The following MTSS1 variants were observed in gnomAD, a reference collection of about 807,000 sequenced individuals.
The protein encoded by MTSS1 is protein MTSS 1.
In MTSS1, 18 loss-of-function variants were observed where a neutral mutation model predicts 79.0. That is an observed-to-expected ratio of 0.23 (90% CI 0.16 to 0.34). The LOEUF is 0.34. Ranked by LOEUF, MTSS1 falls within the 10% of genes least tolerant of loss-of-function variation. The pLI is 1.00. For synonymous variants in MTSS1, 341 were observed against 368.6 expected (o/e 0.93, Z 0.86); for missense variants, 815 against 986.2 (o/e 0.83, Z 2.33).
chr8:124,684,126 G>C (rs1372130516), intron 3 of MTSS1, among the ~76,000 whole-genome samples: 1 of 152,132 alleles, frequency 6.6e-6, no homozygotes, highest in Non-Finnish European at 1.5e-5. Flanking sequence ...CTAGACGAAT[G>C]AACTGTAAGC....
At chr8:124,612,573 A>AGTGT (rs1563858363) in intron 3 of MTSS1, among the ~76,000 whole-genome samples, 28 of 119,858 alleles carry the variant, frequency 2.3e-4, no homozygotes, top group African/African-American at 7.4e-4. Flanking sequence ...CCAAGTTTAA[A>AGTGT]ATGTGTGTGT....
chr8:124,589,717 ACC>A lies in MTSS1; in HGVS notation c.294-8_294-7del. On this transcript the variant is annotated splice_region_variant and splice_polypyrimidine_tract_variant and intron_variant, in intron 4 of 13. Transcript: ENST00000518547. ...TCAGACAATCAATTAAAGCGCTTTT[ACC>A]AAGCGGGGGGGAAAAAGGGAGAAAT... The A allele has an allele frequency of 6.3e-7, 1 of 1,596,162 alleles. No homozygotes were observed. The highest frequency in any genetic ancestry group is 1.7e-5 in the Admixed American group (1 of 58,598).
In MTSS1 at chr8:124,597,378, C is replaced by A. The variant is rs1379055387; in HGVS notation, c.209-6143G>T. On this transcript the variant is annotated intron_variant, in intron 3 of 13. Coordinates refer to ENST00000518547, the MANE Select transcript of MTSS1 (RefSeq NM_014751.6). The surrounding 1 kb of genome is among the most constrained non-coding windows in gnomAD (Gnocchi z 4.6). ...TACGACAAGCTGGAGACATTCCCAG[C>A]TGAGGACAAAGAGGCACATTAAAGT... is the stretch of plus-strand genomic sequence containing the variant. Among the ~76,000 whole-genome samples, 1 of 152,176 alleles carries A rather than the reference C, an allele frequency of 6.6e-6. No individual in the cohort carries two copies. Among genetic ancestry groups the A allele is most frequent in the African/African-American group, 2.4e-5 (1 of 41,448 alleles).
intron 1 of MTSS1, among the ~76,000 whole-genome samples, chr8:124,723,424 C>T (rs532916879): frequency 2.0e-5 from 3 of 152,212 alleles, no homozygotes; most frequent in African/African-American, 2.4e-5. Flanking sequence ...TTACAAACTG[C>T]GGAATTTCAG....
At chr8:124,705,663 G>A (rs1396414747) in intron 1 of MTSS1, among the ~76,000 whole-genome samples, 4 of 152,164 alleles carry the variant, frequency 2.6e-5, no homozygotes, top group Admixed American at 6.5e-5. Flanking sequence ...CATCTTTCAT[G>A]ACAGAAGCCC....
chr8:124,552,897 A>C lies in MTSS1; in HGVS notation c.*95T>G. Reference sequence around the variant, plus strand: ...AGAGCTATATTCCGAGTTGCCTACAAAATCTTTTGTTTTATTATAGAGTGG... The same window carrying C: ...AGAGCTATATTCCGAGTTGCCTACACAATCTTTTGTTTTATTATAGAGTGG... On this transcript the variant is annotated 3_prime_UTR_variant, in exon 14 of 14. Transcript: ENST00000518547. 1 of 1,331,680 alleles carries C rather than the reference A, an allele frequency of 7.5e-7. No homozygotes were observed. Among genetic ancestry groups the C allele is most frequent in the Non-Finnish European group, 1.0e-6 (1 of 972,280 alleles). The allele number at this position is 1,331,680 out of a possible 1,614,324, so 82.5% of individuals were successfully genotyped here.
intron 3 of MTSS1, among the ~76,000 whole-genome samples, chr8:124,665,055 T>A (rs573224661): frequency 2.0e-4 from 30 of 152,312 alleles, no homozygotes; most frequent in South Asian, 6.2e-4. Context: ...GCATTTTTTT[T>A]ATCCCCATCT....
At chr8:124,658,846 A>G (rs1821475855) in intron 3 of MTSS1, among the ~76,000 whole-genome samples, 1 of 152,206 alleles carries the variant, frequency 6.6e-6, no homozygotes, top group East Asian at 1.9e-4. Flanking sequence ...AGATTTGGGC[A>G]GGGACACAGA....
chr8:124,702,204 G>C (rs993170751), intron 2 of MTSS1, among the ~76,000 whole-genome samples: 2 of 152,214 alleles, frequency 1.3e-5, no homozygotes, highest in Admixed American at 1.3e-4. Context: ...TAAAAAAGTA[G>C]GGGAAATGTA....
chr8:124,554,197 T>C (rs1016337474), intron 13 of MTSS1, among the ~76,000 whole-genome samples: 9 of 152,248 alleles, frequency 5.9e-5, no homozygotes, highest in Admixed American at 2.0e-4. Flanking sequence ...ATCAGTGTCA[T>C]GTGCTCACTT....
intron 3 of MTSS1, among the ~76,000 whole-genome samples, chr8:124,643,686 G>A (rs369312398): frequency 8.1e-4 from 70 of 86,340 alleles, no homozygotes; most frequent in Non-Finnish European, 1.3e-3. Flanking sequence ...CAACAAGAGC[G>A]AAATTCCGTC....
At chr8:124,678,784 C>T (rs920551794) in intron 3 of MTSS1, among the ~76,000 whole-genome samples, 4 of 152,214 alleles carry the variant, frequency 2.6e-5, no homozygotes, top group African/African-American at 9.7e-5. Context: ...GGTTTTACTA[C>T]TACAGTGTAC....
In MTSS1 at chr8:124,683,591, C is replaced by G. The variant is rs1014759110; in HGVS notation, c.208+15935G>C. On this transcript the variant is annotated intron_variant, in intron 3 of 13. Coordinates refer to ENST00000518547, the MANE Select transcript of MTSS1 (RefSeq NM_014751.6). The surrounding 1 kb of genome is among the most constrained non-coding windows in gnomAD (Gnocchi z 4.5). ...ACGCCCTAGGAAGCATCCAGACAGA[C>G]GGAGTGGAACAACACAACCTTTCCA... Among the ~76,000 whole-genome samples the G allele has an allele frequency of 2.0e-5, 3 of 152,260 alleles. No homozygotes were observed. The highest frequency in any genetic ancestry group is 4.1e-4 in the South Asian group (2 of 4,820).
chr8:124,632,377 G>C (rs975134248), intron 3 of MTSS1, among the ~76,000 whole-genome samples: 1 of 150,018 alleles, frequency 6.7e-6, no homozygotes, highest in African/African-American at 2.5e-5. Context: ...GGCTGGGCAT[G>C]GTGGCTCACA....
In MTSS1 at chr8:124,553,047, C is replaced by T; in HGVS notation, c.2213G>A (p.Gly738Asp). The T allele has an allele frequency of 6.2e-7, 1 of 1,614,094 alleles. No homozygotes were observed. Among genetic ancestry groups the T allele is most frequent in the East Asian group, 2.2e-5 (1 of 44,890 alleles). Residue 738 changes from glycine to aspartate, a missense_variant, in exon 14 of 14, where the codon GGC (glycine) becomes GAC (aspartate). By Grantham distance (94) the Gly-to-Asp change is moderately conservative. Around this residue, in one of 2 missense-constraint regions of MTSS1, gnomAD observed 590 missense variants for 620.8 expected, o/e 0.95. Transcript: ENST00000518547. This position sits in a 1 kb window ranked among gnomAD's most constrained non-coding sequence, Gnocchi z 6.0. ...TGTCGTGGTCTTCTTCAGTTTCACG[C>T]CCCTTCGGATGGCGTTCAGCATGTC... ...GEDMLNAIRR[G>D]VKLKKTTTND...
rs976337373 is a variant in MTSS1, at chr8:124,641,207, A to G, written c.209-49972T>C. On this transcript the variant is annotated intron_variant, in intron 3 of 13. Coordinates refer to ENST00000518547, the MANE Select transcript of MTSS1 (RefSeq NM_014751.6). ...GGGTCAAATGGACCAGGGGAATGGA[A>G]GACCACAGTCACTTTGGCCAGCAGG... 4.6e-5 allele frequency among the ~76,000 whole-genome samples: 7 copies of G among 152,196 alleles called. No individual in the cohort carries two copies. In the South Asian group the frequency reaches 6.2e-4, roughly 13 times the overall value.
At chr8:124,593,993 CA>C (rs35905406) in intron 3 of MTSS1, among the ~76,000 whole-genome samples, 89,256 of 151,750 alleles carry the variant, frequency 0.59, 26,640 homozygotes, top group East Asian at 0.72. Flanking sequence ...TAATCAGTAC[CA>C]ACAGGGATTG....
chr8:124,572,088 T>A (rs1293968173), intron 6 of MTSS1, among the ~76,000 whole-genome samples: 1 of 152,188 alleles, frequency 6.6e-6, no homozygotes, highest in Non-Finnish European at 1.5e-5. Flanking sequence ...TTAATAATGC[T>A]GACTTTAAAA....
At chr8:124,676,770 T>A in intron 3 of MTSS1, among the ~76,000 whole-genome samples, 1 of 152,158 alleles carries the variant, frequency 6.6e-6, no homozygotes, top group Non-Finnish European at 1.5e-5. Flanking sequence ...GCGAGTGCAA[T>A]CACAGTAGGT....
Sources: allele counts gnomAD v4.1 joint callset (sites outside exome capture counted in the v4.1 genomes callset), GRCh38; gene constraint gnomAD v4.1.1; regional missense constraint gnomAD v4.1.1; non-coding constraint Gnocchi (gnomAD v3.1); transcripts MANE v1.5; gene names NCBI Gene and HGNC (gene_info 2026-07-23, HGNC 2026-07-21).